The following INO80E variants were observed in gnomAD, a reference collection of about 807,000 sequenced individuals.
INO80E encodes coiled-coil domain containing 95.
In INO80E, 20 loss-of-function variants were observed where a neutral mutation model predicts 27.3. The observed-to-expected ratio is 0.73, with a 90% CI of 0.51 to 1.06. INO80E has a LOEUF of 1.06. Ranked by LOEUF, INO80E falls within the 50% of genes least tolerant of loss-of-function variation. The pLI is 0.00. For missense variants in INO80E, 357 were observed against 322.8 expected (o/e 1.11, Z -0.81); for synonymous variants, 167 against 145.9 (o/e 1.14, Z -1.04).
chr16:29,998,431 CTG>C (rs1467451989), intron 3 of INO80E, among the ~76,000 whole-genome samples: 1 of 152,184 alleles, frequency 6.6e-6, no homozygotes, highest in African/African-American at 2.4e-5. Context: ...AGAGAGAACA[CTG>C]TTTTCGTCCT....
chr16:29,998,457 T>C (rs2070222184), intron 3 of INO80E, among the ~76,000 whole-genome samples: 1 of 152,216 alleles, frequency 6.6e-6, no homozygotes, highest in Non-Finnish European at 1.5e-5. Flanking sequence ...ATTTGAATAT[T>C]GTCTGCAGTT....
chr16:30,000,404 T>C (rs1000793929), intron 3 of INO80E, among the ~76,000 whole-genome samples: 1 of 152,160 alleles, frequency 6.6e-6, no homozygotes, highest in Non-Finnish European at 1.5e-5. Flanking sequence ...AGGGTCTTGC[T>C]CTGTCACCCA....
intron 3 of INO80E, among the ~76,000 whole-genome samples, chr16:29,997,765 A>C (rs560838874): frequency 4.0e-5 from 6 of 150,244 alleles, no homozygotes; most frequent in East Asian, 4.0e-4. Flanking sequence ...AAAAAAAAAA[A>C]AAAACGCCCT....
At chr16:30,001,241 A>G in intron 5 of INO80E, 173 bp from the exon 6 acceptor site, 1 of 1,493,528 alleles carries the variant, frequency 6.7e-7, no homozygotes, top group East Asian at 2.5e-5. Flanking sequence ...TGAGGAGAGC[A>G]AAGCCCAGGA....
At position 30,005,307 on chromosome 16, in the gene INO80E, G is replaced by GGGC; in HGVS notation, c.600_601insGGC (p.Leu200_Thr201insGly). 1 of 1,387,148 alleles carries GGGC rather than the reference G, an allele frequency of 7.2e-7. No individual in the cohort carries two copies. Among genetic ancestry groups the GGGC allele is most frequent in the Non-Finnish European group, 9.4e-7 (1 of 1,068,418 alleles). 85.9% of individuals were successfully genotyped at this position (1,387,148 alleles called of 1,614,324 possible). A position where few individuals can be genotyped will look rare whatever the true frequency, so the allele number is the denominator to read the frequency against. ...CTGGGGCTGGGGTCGGGACAACCCT[G>GGGC]ACCCCCCTCCCACCCCCTAAGATGC... is the stretch of plus-strand genomic sequence containing the variant. On this transcript the variant is annotated inframe_insertion, in exon 7 of 7. Coordinates refer to ENST00000563197, the MANE Select transcript of INO80E (RefSeq NM_173618.3).
At position 30,001,264 on chromosome 16, in the gene INO80E, G is replaced by A. The variant is rs888947884; in HGVS notation, c.397-150G>A. On this transcript the variant is annotated intron_variant, in intron 5 of 6. Coordinates refer to ENST00000563197, the MANE Select transcript of INO80E (RefSeq NM_173618.3). ...GCAAAGCCCAGGACAGCATCCTGCT[G>A]CTGCCCGGCCCTTCTGTGCTCGGGA... 3 of 1,490,080 alleles carry A rather than the reference G, an allele frequency of 2.0e-6. No homozygotes were observed. In the African/African-American group the frequency reaches 4.2e-5, roughly 21 times the overall value. The allele number at this position is 1,490,080 out of a possible 1,614,324, so 92.3% of individuals were successfully genotyped here.
At chr16:30,000,415 G>A (rs1033259219) in intron 3 of INO80E, among the ~76,000 whole-genome samples, 7 of 152,184 alleles carry the variant, frequency 4.6e-5, no homozygotes, top group African/African-American at 7.2e-5. Flanking sequence ...CTGTCACCCA[G>A]GCTGGCGTGC....
chr16:29,996,514 G>A (rs1403523281), intron 1 of INO80E, 33 bp from the exon 2 acceptor site: 3 of 1,554,778 alleles, frequency 1.9e-6, no homozygotes, highest in East Asian at 4.9e-5. Flanking sequence ...ACGGAGGACC[G>A]TTGGCCCAGC....
intron 6 of INO80E, chr16:30,004,704 C>G (rs528828683): frequency 1.3e-5 from 2 of 155,158 alleles, no homozygotes; most frequent in Middle Eastern, 5.3e-4. Flanking sequence ...GCCGGGACCC[C>G]GAGGAGGGGC....
chr16:30,005,322 C>CCCCCCA lies in INO80E; in HGVS notation c.617_618insCCCACC (p.Pro205_Pro206dup). On this transcript the variant is annotated inframe_insertion, in exon 7 of 7. Coordinates refer to ENST00000563197, the MANE Select transcript of INO80E (RefSeq NM_173618.3). ...GGACAACCCTGACCCCCCTCCCACC[C>CCCCCCA]CCTAAGATGCCCCCCCCCACGATCC... is the stretch of plus-strand genomic sequence containing the variant. The CCCCCCA allele has an allele frequency of 7.5e-7, 1 of 1,332,332 alleles. No individual in the cohort carries two copies. Among genetic ancestry groups the CCCCCCA allele is most frequent in the Non-Finnish European group, 9.9e-7 (1 of 1,009,694 alleles). 82.5% of individuals were successfully genotyped at this position (1,332,332 alleles called of 1,614,324 possible). A position where few individuals can be genotyped will look rare whatever the true frequency, so the allele number is the denominator to read the frequency against.
In INO80E at chr16:29,996,824, C is replaced by A; in HGVS notation, c.169C>A (p.Leu57Ile). The A allele has an allele frequency of 6.2e-7, 1 of 1,614,200 alleles. No individual in the cohort carries two copies. Among genetic ancestry groups the A allele is most frequent in the Non-Finnish European group, 8.5e-7 (1 of 1,180,008 alleles). Residue 57 changes from leucine to isoleucine, a missense_variant, in exon 3 of 7, where the codon CTT becomes ATT. Transcript: ENST00000563197. ...TCCCCTCAGTTTCCTCCTAGACCGA[C>A]TTCTGCAGTACGAGAACGTGGATGA... Reference protein sequence around the residue: ...SRDKSFLLDRLLQYENVDEDS... With the variant: ...SRDKSFLLDRILQYENVDEDS...
At chr16:30,004,522 C>G (rs895525172) in intron 6 of INO80E, 1 of 153,138 alleles carries the variant, frequency 6.5e-6, no homozygotes, top group South Asian at 2.1e-4. Flanking sequence ...CACTCCCGCC[C>G]CGAGGCCCCG....
rs748998623 is a variant in INO80E at position 29,996,251 on chromosome 16, C to G, written c.-60C>G. On this transcript the variant is annotated 5_prime_UTR_variant, in exon 1 of 7. Transcript: ENST00000563197. ...TCCGGAAGTGGAGGCGGGAGCGGCA[C>G]GGCAGCCACTGCTTGGGGTAGCGGG... 1 of 1,487,466 alleles carries G rather than the reference C, an allele frequency of 6.7e-7. No homozygotes were observed. The highest frequency in any genetic ancestry group is 1.2e-5 in the South Asian group (1 of 82,988). The allele number at this position is 1,487,466 out of a possible 1,614,324, so 92.1% of individuals were successfully genotyped here.
In INO80E at chr16:30,005,591, G is replaced by A. The variant is rs545832540; in HGVS notation, c.*149G>A. Reference sequence around the variant, plus strand: ...AACCAGAAAAGGCGTAAACATGCACGGGTGTCCCCCAGGAGGGTGGCAGGG... The same window carrying A: ...AACCAGAAAAGGCGTAAACATGCACAGGTGTCCCCCAGGAGGGTGGCAGGG... On this transcript the variant is annotated 3_prime_UTR_variant, in exon 7 of 7. Coordinates refer to ENST00000563197, the MANE Select transcript of INO80E (RefSeq NM_173618.3). 8.6e-5 allele frequency: 67 copies of A among 776,832 alleles called. No individual in the cohort carries two copies. Among genetic ancestry groups the A allele is most frequent in the Non-Finnish European group, 1.2e-4 (59 of 476,352 alleles). 48.1% of individuals were successfully genotyped at this position (776,832 alleles called of 1,614,324 possible). A position where few individuals can be genotyped will look rare whatever the true frequency, so the allele number is the denominator to read the frequency against.
intron 1 of INO80E, 24 bp downstream of exon 1, chr16:29,996,415 G>GT (rs1433261031): frequency 1.5e-5 from 24 of 1,573,612 alleles, no homozygotes; most frequent in Non-Finnish European, 2.1e-5. Context: ...CGGGAAGGCT[G>GT]TGGGGGATGA....
chr16:29,998,480 C>T (rs949673154), intron 3 of INO80E, among the ~76,000 whole-genome samples: 3 of 152,166 alleles, frequency 2.0e-5, no homozygotes, highest in African/African-American at 7.2e-5. Context: ...CTATATTTTA[C>T]ATCATAACCA....
intron 6 of INO80E, 135 bp from the exon 7 acceptor site, chr16:30,005,086 T>G: frequency 5.2e-6 from 5 of 960,346 alleles, no homozygotes; most frequent in Non-Finnish European, 7.3e-6. Flanking sequence ...AGGCCCTGAG[T>G]GCAGCATGGG....
At chr16:29,998,441 C>T (rs2070221800) in intron 3 of INO80E, among the ~76,000 whole-genome samples, 1 of 152,158 alleles carries the variant, frequency 6.6e-6, no homozygotes, top group Admixed American at 6.5e-5. Context: ...CTGTTTTCGT[C>T]CTTTTATTTG....
Position 30,005,308 on chromosome 16 carries a change from AC to A in INO80E, c.607del (p.Leu203SerfsTer12). 2 of 521,330 alleles carry A rather than the reference AC, an allele frequency of 3.8e-6. No individual in the cohort carries two copies. Among genetic ancestry groups the A allele is most frequent in the Non-Finnish European group, 6.0e-6 (2 of 335,730 alleles). 32.3% of individuals were successfully genotyped at this position (521,330 alleles called of 1,614,324 possible). On this transcript the variant is annotated frameshift_variant, in exon 7 of 7. Transcript: ENST00000563197. LOFTEE classifies it high-confidence loss of function. The stretch of plus-strand genomic sequence containing the variant: ...TGGGGCTGGGGTCGGGACAACCCTG[AC>A]CCCCCTCCCACCCCCTAAGATGCCC... ...GSGAGVGTTL[T>X]PLPPPKMPPP...
Sources: allele counts gnomAD v4.1 joint callset (sites outside exome capture counted in the v4.1 genomes callset), GRCh38; gene constraint gnomAD v4.1.1; transcripts MANE v1.5; gene names NCBI Gene and HGNC (gene_info 2026-07-23, HGNC 2026-07-21).